The following CACNA1D variants were observed in gnomAD, a reference collection of about 807,000 sequenced individuals.
The protein encoded by CACNA1D is calcium voltage-gated channel subunit alpha1 D, also known as voltage-dependent L-type calcium channel subunit alpha-1D.
Under a neutral mutation model 257.1 loss-of-function variants are expected in CACNA1D, and 55 were observed. The observed-to-expected ratio is 0.21, with a 90% CI of 0.17 to 0.27. CACNA1D has a LOEUF of 0.27. Ranked by LOEUF, CACNA1D falls within the 10% of genes least tolerant of loss-of-function variation. The pLI, the probability that CACNA1D is intolerant of heterozygous loss-of-function variation, is 1.00. For synonymous variants in CACNA1D, 980 were observed against 1,014.9 expected (o/e 0.97, Z 0.65); for missense variants, 1,876 against 2,784.0 (o/e 0.67, Z 7.34).
intron 3 of CACNA1D, among the ~76,000 whole-genome samples, chr3:53,610,027 A>G (rs548322169): frequency 2.6e-5 from 4 of 152,340 alleles, no homozygotes; most frequent in African/African-American, 4.8e-5. Context: ...GTAAATTTCT[A>G]CATATTTGGG....
intron 20 of CACNA1D, among the ~76,000 whole-genome samples, chr3:53,739,907 T>TA (rs1448198168): frequency 6.6e-6 from 1 of 152,216 alleles, no homozygotes; most frequent in African/African-American, 2.4e-5. Context: ...GAAACGCGGT[T>TA]AAAAATCGAA....
chr3:53,574,480 G>C (rs1477057352), intron 3 of CACNA1D, among the ~76,000 whole-genome samples: 1 of 152,166 alleles, frequency 6.6e-6, no homozygotes, highest in Non-Finnish European at 1.5e-5. Context: ...AACACAAAAT[G>C]TTGTGTTGGA....
At chr3:53,674,057 G>A in intron 8 of CACNA1D, 1 of 597,862 alleles carries the variant, frequency 1.7e-6, no homozygotes, top group Non-Finnish European at 3.0e-6. Flanking sequence ...AGCCAGTTGT[G>A]TTAGTATGTG....
chr3:53,664,956 A>T (rs1166529597), intron 5 of CACNA1D, among the ~76,000 whole-genome samples: 2 of 152,196 alleles, frequency 1.3e-5, no homozygotes, highest in Non-Finnish European at 1.5e-5. Flanking sequence ...GCAGACTTGC[A>T]AGACTGCATT....
intron 25 of CACNA1D, 61 bp from the exon 26 acceptor site, chr3:53,747,241 T>C (rs2095178478): frequency 2.0e-6 from 3 of 1,509,582 alleles, no homozygotes; most frequent in Non-Finnish European, 2.8e-6. Flanking sequence ...GTGTCCAACT[T>C]TACGCTGCTT....
chr3:53,785,001 G>T (rs1020031576), intron 39 of CACNA1D, among the ~76,000 whole-genome samples: 2 of 152,142 alleles, frequency 1.3e-5, no homozygotes, highest in African/African-American at 4.8e-5. Context: ...GTGGTGAGCA[G>T]ATCCACCATG....
At chr3:53,776,518 T>C (rs777274891) in intron 35 of CACNA1D, 85 bp from the exon 36 acceptor site, 10 of 1,518,700 alleles carry the variant, frequency 6.6e-6, no homozygotes, top group Non-Finnish European at 9.1e-6. Context: ...CCATGTTTCA[T>C]GTCCATGTCA....
At chr3:53,577,115 G>A (rs1027284855) in intron 3 of CACNA1D, among the ~76,000 whole-genome samples, 2 of 152,162 alleles carry the variant, frequency 1.3e-5, no homozygotes, top group African/African-American at 4.8e-5. Flanking sequence ...TGAGATTATC[G>A]CTGGCCCCAT....
At chr3:53,618,201 T>C (rs2093657939) in intron 3 of CACNA1D, among the ~76,000 whole-genome samples, 1 of 152,114 alleles carries the variant, frequency 6.6e-6, no homozygotes, top group Non-Finnish European at 1.5e-5. Flanking sequence ...TTTACCTCAG[T>C]TGTGCTTTTG....
chr3:53,496,513 G>A (rs1208363398), intron 1 of CACNA1D, among the ~76,000 whole-genome samples: 2 of 152,184 alleles, frequency 1.3e-5, no homozygotes, highest in Admixed American at 1.3e-4. Context: ...GAAGCCTGTG[G>A]AGGAAATGAG....
intron 9 of CACNA1D, among the ~76,000 whole-genome samples, chr3:53,709,524 C>G (rs991574224): frequency 6.6e-6 from 1 of 152,190 alleles, no homozygotes; most frequent in African/African-American, 2.4e-5. Context: ...ATTTTAGGAA[C>G]GTGAGTATTC....
At chr3:53,497,566 C>T (rs369103825) in intron 2 of CACNA1D, 105 bp downstream of exon 2, 10 of 1,180,808 alleles carry the variant, frequency 8.5e-6, no homozygotes, top group East Asian at 2.3e-5. Context: ...GTCTGGAATG[C>T]GAGTAACAGA....
intron 4 of CACNA1D, 97 bp downstream of exon 4, chr3:53,651,015 G>C (rs1314686599): frequency 1.7e-6 from 2 of 1,162,674 alleles, no homozygotes; most frequent in East Asian, 4.7e-5. Flanking sequence ...TAGGGAATGT[G>C]GTTGCTCTTT....
At chr3:53,622,939 C>T (rs1576128489) in intron 3 of CACNA1D, among the ~76,000 whole-genome samples, 1 of 151,380 alleles carries the variant, frequency 6.6e-6, no homozygotes, top group South Asian at 2.1e-4. Flanking sequence ...ACCCAGGCTG[C>T]AGTGCAATGG....
chr3:53,534,473 C>A (rs1321656560), intron 3 of CACNA1D, among the ~76,000 whole-genome samples: 2 of 152,224 alleles, frequency 1.3e-5, no homozygotes, highest in South Asian at 2.1e-4. Flanking sequence ...ATAACCTCCG[C>A]ATCTTCCTGC....
intron 3 of CACNA1D, among the ~76,000 whole-genome samples, chr3:53,559,785 C>T (rs1293337843): frequency 1.3e-5 from 2 of 152,266 alleles, no homozygotes; most frequent in African/African-American, 4.8e-5. Flanking sequence ...AGCTAGAAAG[C>T]GAGGAATTTA....
Position 53,774,527 on chromosome 3 carries a change from T to G in CACNA1D, c.4111-60T>G. The G allele has an allele frequency of 1.0e-6, 1 of 1,004,728 alleles. No homozygotes were observed. Among genetic ancestry groups the G allele is most frequent in the Admixed American group, 1.7e-5 (1 of 59,150 alleles). 62.2% of individuals were successfully genotyped at this position (1,004,728 alleles called of 1,614,324 possible). On this transcript the variant is annotated intron_variant, in intron 33 of 47. Transcript: ENST00000350061. This position sits in a 1 kb window ranked among gnomAD's most constrained non-coding sequence, Gnocchi z 4.3. ...AACCTGAGTTAGTTCTAAATTCACA[T>G]ACGGATTTTTTTTGCATGACGAAAT...
chr3:53,504,692 T>A (rs1476249182), intron 3 of CACNA1D, among the ~76,000 whole-genome samples: 1 of 150,648 alleles, frequency 6.6e-6, no homozygotes, highest in Non-Finnish European at 1.5e-5. Context: ...ATTTTATTAT[T>A]ATTTTTTTTT....
At chr3:53,781,130 A>T (rs1015528454) in intron 38 of CACNA1D, among the ~76,000 whole-genome samples, 1 of 152,238 alleles carries the variant, frequency 6.6e-6, no homozygotes, top group Admixed American at 6.5e-5. Flanking sequence ...TGTTGTATGG[A>T]TGAGTACATA....
Sources: gnomAD v4.1 joint callset for allele counts (sites outside exome capture counted in the v4.1 genomes callset) on GRCh38, gnomAD v4.1.1 for gene constraint, Gnocchi (gnomAD v3.1) non-coding constraint, MANE v1.5 for transcripts, NCBI Gene and HGNC (gene_info 2026-07-23, HGNC 2026-07-21) for gene names.